IFFO1: variants seen among roughly 807,000 people sequenced by gnomAD.
IFFO1 encodes intermediate filament family orphan 1.
A neutral mutation model predicts 59.6 loss-of-function variants in IFFO1; 42 were observed. The observed-to-expected ratio is 0.70, with a 90% CI of 0.55 to 0.91. The LOEUF (loss-of-function observed/expected upper bound fraction) is 0.91, where lower values mean the gene tolerates loss of function less well. Among genes scored for constraint, IFFO1 ranks in the 40% least tolerant of loss-of-function variants. The pLI is 0.00. For synonymous variants in IFFO1, 336 were observed against 342.8 expected (o/e 0.98, Z 0.22); for missense variants, 711 against 793.2 (o/e 0.90, Z 1.24).
intron 3 of IFFO1, 23 bp downstream of exon 3, chr12:6,550,672 G>A (rs773206304): frequency 1.2e-6 from 2 of 1,601,636 alleles, no homozygotes; most frequent in African/African-American, 1.3e-5. Flanking sequence ...TTCGACCCTC[G>A]GGAAGCCTGG....
At chr12:6,540,644 C>A in intron 9 of IFFO1, 56 bp from the exon 10 acceptor site, 3 of 1,413,470 alleles carry the variant, frequency 2.1e-6, no homozygotes, top group African/African-American at 1.4e-5. Flanking sequence ...TGAAGACGGA[C>A]GGCACTCCTC....
Position 6,540,313 on chromosome 12 carries a change from G to C in IFFO1, c.*170C>G. ...CAAGCCTAGCTCCAGACACCCCAGAGCCCTGGAGAAGCCAAGACTGAGGGA... is the reference window on the plus strand; with the variant it reads ...CAAGCCTAGCTCCAGACACCCCAGACCCCTGGAGAAGCCAAGACTGAGGGA... On this transcript the variant is annotated 3_prime_UTR_variant, in exon 10 of 10. Coordinates refer to ENST00000619571, the MANE Select transcript of IFFO1 (RefSeq NM_001193457.2). 1.6e-6 allele frequency: 1 copy of C among 643,480 alleles called. No individual in the cohort carries two copies. The highest frequency in any genetic ancestry group is 2.8e-6 in the Non-Finnish European group (1 of 358,346). 39.9% of individuals were successfully genotyped at this position (643,480 alleles called of 1,614,324 possible).
chr12:6,546,822 G>C (rs903496344), intron 8 of IFFO1, among the ~76,000 whole-genome samples: 1 of 152,218 alleles, frequency 6.6e-6, no homozygotes, highest in African/African-American at 2.4e-5. Context: ...CTAAAGCCTA[G>C]AGTTTGAGCT....
At chr12:6,546,031 A>G (rs999956369) in intron 8 of IFFO1, among the ~76,000 whole-genome samples, 1 of 152,218 alleles carries the variant, frequency 6.6e-6, no homozygotes, top group Non-Finnish European at 1.5e-5. Flanking sequence ...GTAAGAATGA[A>G]TCTTCTATCC....
rs1370594275 is a variant in IFFO1 at position 6,541,857 on chromosome 12, T to A, written c.1480-215A>T. 6.6e-6 allele frequency among the ~76,000 whole-genome samples: 1 copy of A among 152,240 alleles called. No individual in the cohort carries two copies. The highest frequency in any genetic ancestry group is 2.4e-5 in the African/African-American group (1 of 41,458). On this transcript the variant is annotated intron_variant, in intron 8 of 9. Coordinates refer to ENST00000619571, the MANE Select transcript of IFFO1 (RefSeq NM_001193457.2). The surrounding 1 kb of genome is among the most constrained non-coding windows in gnomAD (Gnocchi z 4.8). Reference sequence around the variant, plus strand: ...TGCTTTTCCTGGAAATCTTTGCCTATGGAGGAATGCAAAGGTACTGCTGCA... The same window carrying A: ...TGCTTTTCCTGGAAATCTTTGCCTAAGGAGGAATGCAAAGGTACTGCTGCA...
chr12:6,553,057 G>A (rs1947302932), intron 1 of IFFO1, among the ~76,000 whole-genome samples: 1 of 152,100 alleles, frequency 6.6e-6, no homozygotes, highest in African/African-American at 2.4e-5. Flanking sequence ...AAAATAGAAC[G>A]CAGGAGGCCT....
chr12:6,544,490 A>T (rs1291239022), intron 8 of IFFO1, among the ~76,000 whole-genome samples: 1 of 152,178 alleles, frequency 6.6e-6, no homozygotes, highest in Non-Finnish European at 1.5e-5. Context: ...AAAAGGCATG[A>T]TTCCATTTAA....
chr12:6,548,929 G>C lies in IFFO1; in HGVS notation c.1081-80C>G, dbSNP rs1406332940. ...CAGAGAGGGTGGGAATGGGGGAGAAGCATGAACCAGTAGGAAGGGGGGGCA... is the reference window on the plus strand; with the variant it reads ...CAGAGAGGGTGGGAATGGGGGAGAACCATGAACCAGTAGGAAGGGGGGGCA... On this transcript the variant is annotated intron_variant, in intron 5 of 9. Transcript: ENST00000619571. This position sits in a 1 kb window ranked among gnomAD's most constrained non-coding sequence, Gnocchi z 6.1. 8.3e-7 allele frequency: 1 copy of C among 1,204,760 alleles called. No individual in the cohort carries two copies. The highest frequency in any genetic ancestry group is 1.2e-6 in the Non-Finnish European group (1 of 854,862). 74.6% of individuals were successfully genotyped at this position (1,204,760 alleles called of 1,614,324 possible). A position where few individuals can be genotyped will look rare whatever the true frequency, so the allele number is the denominator to read the frequency against.
chr12:6,549,580 T>G lies in IFFO1; in HGVS notation c.1072-96A>C. The G allele has an allele frequency of 7.5e-7, 1 of 1,332,162 alleles. No homozygotes were observed. The highest frequency in any genetic ancestry group is 1.1e-6 in the Non-Finnish European group (1 of 928,940). The allele number at this position is 1,332,162 out of a possible 1,614,324, so 82.5% of individuals were successfully genotyped here. ...AGGGAGAGACGGCGTTAGAGACAGC[T>G]TCCACGATGCCCCTCCTGATGCTGC... On this transcript the variant is annotated intron_variant, in intron 4 of 9. Transcript: ENST00000619571. The surrounding 1 kb of genome is among the most constrained non-coding windows in gnomAD (Gnocchi z 5.0).
rs749400268 is a variant in IFFO1 at position 6,548,637 on chromosome 12, G to A, written c.1262+31C>T. 3 of 1,613,904 alleles carry A rather than the reference G, an allele frequency of 1.9e-6. No individual in the cohort carries two copies. The highest frequency in any genetic ancestry group is 1.7e-5 in the Admixed American group (1 of 60,030). ...CGGCCTCCTGGGCTGCTGTGGCGTCGGTGCTGCGGGAGCACGGCCTGCGGA... is the reference window on the plus strand; with the variant it reads ...CGGCCTCCTGGGCTGCTGTGGCGTCAGTGCTGCGGGAGCACGGCCTGCGGA... On this transcript the variant is annotated intron_variant, in intron 6 of 9. Transcript: ENST00000619571. The surrounding 1 kb of genome is among the most constrained non-coding windows in gnomAD (Gnocchi z 6.1).
chr12:6,542,584 G>C (rs1268940701), intron 8 of IFFO1, among the ~76,000 whole-genome samples: 1 of 152,248 alleles, frequency 6.6e-6, no homozygotes. Context: ...CTTAGAGAAA[G>C]AAGGAAACAG....
Position 6,549,530 on chromosome 12 carries a change from A to G in IFFO1, c.1072-46T>C. 1 of 1,530,840 alleles carries G rather than the reference A, an allele frequency of 6.5e-7. No individual in the cohort carries two copies. Among genetic ancestry groups the G allele is most frequent in the Non-Finnish European group, 9.1e-7 (1 of 1,104,736 alleles). The allele number at this position is 1,530,840 out of a possible 1,614,324, so 94.8% of individuals were successfully genotyped here. A position where few individuals can be genotyped will look rare whatever the true frequency, so the allele number is the denominator to read the frequency against. ...AAGATGAGAGGAAGAGAGGAGAGGA[A>G]GCAGACAGAGGAGAGAGAGGGGGAA... On this transcript the variant is annotated intron_variant, in intron 4 of 9. Transcript: ENST00000619571. This position sits in a 1 kb window ranked among gnomAD's most constrained non-coding sequence, Gnocchi z 5.0.
In IFFO1 at chr12:6,540,683, G is replaced by A. The variant is rs146137218; in HGVS notation, c.1611-95C>T. On this transcript the variant is annotated intron_variant, in intron 9 of 9. Transcript: ENST00000619571. ...CTGCTGCCTCACCCTCTGGCAGCCCGTGAGAAGTACCGGAAGCGAGGGCGG... is the reference window on the plus strand; with the variant it reads ...CTGCTGCCTCACCCTCTGGCAGCCCATGAGAAGTACCGGAAGCGAGGGCGG... 3,289 of 1,101,612 alleles carry A rather than the reference G, an allele frequency of 3.0e-3. 69 individuals are homozygous for A. In the African/African-American group the frequency reaches 0.044, roughly 15 times the overall value. The allele number at this position is 1,101,612 out of a possible 1,614,324, so 68.2% of individuals were successfully genotyped here. A position where few individuals can be genotyped will look rare whatever the true frequency, so the allele number is the denominator to read the frequency against.
chr12:6,554,414 C>A (rs1429104769), intron 1 of IFFO1, among the ~76,000 whole-genome samples: 1 of 152,226 alleles, frequency 6.6e-6, no homozygotes, highest in East Asian at 1.9e-4. Context: ...TCTAAGGAAT[C>A]CACTTGGTAT....
rs892942652 is a variant in IFFO1, at chr12:6,555,247, C to T, written c.773+10G>A. ...CACAGAGAGACCTGTCCCCCTTTCC[C>T]AATCCCTACCTCCGCTTGTACTCGT... On this transcript the variant is annotated intron_variant, in intron 1 of 9. Transcript: ENST00000619571. The surrounding 1 kb of genome is among the most constrained non-coding windows in gnomAD (Gnocchi z 8.6). The T allele has an allele frequency of 5.0e-6, 8 of 1,613,934 alleles. No individual in the cohort carries two copies. The East Asian group carries it at 1.6e-4, about 31-fold the overall frequency.
chr12:6,546,267 T>C (rs952171695), intron 8 of IFFO1, among the ~76,000 whole-genome samples: 1 of 152,222 alleles, frequency 6.6e-6, no homozygotes, highest in Non-Finnish European at 1.5e-5. Context: ...ACTGTGGGTC[T>C]TGGAACACAT....
rs933318817 is a variant in IFFO1 at position 6,541,994 on chromosome 12, C to G, written c.1480-352G>C. On this transcript the variant is annotated intron_variant, in intron 8 of 9. Transcript: ENST00000619571. This position sits in a 1 kb window ranked among gnomAD's most constrained non-coding sequence, Gnocchi z 4.8. ...CAGGTTCCTATGGGGCCCGGCTCACCCCTCATCCCCTGTACTGCGCTGGTC... is the reference window on the plus strand; with the variant it reads ...CAGGTTCCTATGGGGCCCGGCTCACGCCTCATCCCCTGTACTGCGCTGGTC... Among the ~76,000 whole-genome samples, 3 of 152,134 alleles carry G rather than the reference C, an allele frequency of 2.0e-5. No homozygotes were observed. Among genetic ancestry groups the G allele is most frequent in the Non-Finnish European group, 4.4e-5 (3 of 68,018 alleles).
At chr12:6,553,414 G>A (rs538420154) in intron 1 of IFFO1, among the ~76,000 whole-genome samples, 23 of 152,322 alleles carry the variant, frequency 1.5e-4, no homozygotes, top group African/African-American at 2.6e-4. Context: ...ACTGCTGAGC[G>A]CGTAGTTAAC....
intron 1 of IFFO1, chr12:6,551,755 T>C (rs1947248796): frequency 2.9e-6 from 1 of 343,230 alleles, no homozygotes; most frequent in East Asian, 7.6e-5. Flanking sequence ...GCCCGGTGAG[T>C]ACGGCAAATG....
Sources: gnomAD v4.1 joint callset for allele counts (sites outside exome capture counted in the v4.1 genomes callset) on GRCh38, gnomAD v4.1.1 for gene constraint, Gnocchi (gnomAD v3.1) non-coding constraint, MANE v1.5 for transcripts, NCBI Gene and HGNC (gene_info 2026-07-23, HGNC 2026-07-21) for gene names.